The following LHCGR variants were observed in gnomAD, a reference collection of about 807,000 sequenced individuals.
LHCGR encodes lutropin-choriogonadotropic hormone receptor.
A neutral mutation model predicts 60.7 loss-of-function variants in LHCGR; 55 were observed. The observed-to-expected ratio is 0.91, with a 90% CI of 0.73 to 1.13. LHCGR has a LOEUF of 1.13. Ranked by LOEUF, LHCGR falls within the 50% of genes most tolerant of loss-of-function variation. LHCGR has a pLI of 0.00. For missense variants in LHCGR, 862 were observed against 836.0 expected, an observed-to-expected ratio of 1.03 and a Z score of -0.38; for synonymous variants, 337 against 316.5, an observed-to-expected ratio of 1.06 and a Z score of -0.69.
At chr2:48,755,316 A>G (rs904821529) in intron 1 of LHCGR, among the ~76,000 whole-genome samples, 195 bp downstream of exon 1, 1 of 152,070 alleles carries the variant, frequency 6.6e-6, no homozygotes, top group African/African-American at 2.4e-5. Flanking sequence ...GGGCTCTCAG[A>G]GGCATGGGGT....
intron 1 of LHCGR, among the ~76,000 whole-genome samples, chr2:48,742,195 G>C (rs1669489204): frequency 6.6e-6 from 1 of 151,984 alleles, no homozygotes; most frequent in Non-Finnish European, 1.5e-5. Context: ...CATAAAGCAA[G>C]TCCTGAGTGA....
At chr2:48,692,690 G>C (rs1031862864) in intron 10 of LHCGR, among the ~76,000 whole-genome samples, 4 of 152,170 alleles carry the variant, frequency 2.6e-5, no homozygotes, top group Admixed American at 2.6e-4. Flanking sequence ...AATTTTAGGA[G>C]GACAATAGGG....
chr2:48,700,244 C>T (rs899509725), intron 8 of LHCGR, among the ~76,000 whole-genome samples: 3 of 152,082 alleles, frequency 2.0e-5, no homozygotes, highest in African/African-American at 7.2e-5. Context: ...TGAGTGGGTA[C>T]ATTTAAAATT....
intron 8 of LHCGR, among the ~76,000 whole-genome samples, chr2:48,704,169 C>A (rs35530477): frequency 0.12 from 17,515 of 152,138 alleles, 1,145 homozygotes; most frequent in African/African-American, 0.17. Context: ...GTCATTGGTT[C>A]TGTTTATGTG....
rs1006949495 is a variant in LHCGR at position 48,735,604 on chromosome 2, A to G, written c.162-4306T>C. ...GTCAAGCTAGTATCTCTTACTGCTT[A>G]GTTCTGACTTTCAAACTGGGCCCCT... On this transcript the variant is annotated intron_variant, in intron 1 of 10. Transcript: ENST00000294954. 5.3e-5 allele frequency among the ~76,000 whole-genome samples: 8 copies of G among 152,260 alleles called. No individual in the cohort carries two copies. In the East Asian group the frequency reaches 1.5e-3, roughly 29 times the overall value.
At chr2:48,728,385 T>C (rs1355134193) in intron 3 of LHCGR, among the ~76,000 whole-genome samples, 2 of 152,178 alleles carry the variant, frequency 1.3e-5, no homozygotes, top group Non-Finnish European at 2.9e-5. Flanking sequence ...TCCCCTTCCC[T>C]AACTTTTGAA....
At chr2:48,754,589 T>G (rs1300086185) in intron 1 of LHCGR, among the ~76,000 whole-genome samples, 2 of 151,944 alleles carry the variant, frequency 1.3e-5, no homozygotes, top group Non-Finnish European at 2.9e-5. Flanking sequence ...TTACAAAAAT[T>G]TCACCACCCC....
chr2:48,743,098 A>G (rs1266681593), intron 1 of LHCGR, among the ~76,000 whole-genome samples: 2 of 152,250 alleles, frequency 1.3e-5, no homozygotes, highest in Non-Finnish European at 2.9e-5. Flanking sequence ...TCTAGAAGAA[A>G]TGGATAAATT....
At chr2:48,694,653 A>G (rs1003850164) in intron 9 of LHCGR, among the ~76,000 whole-genome samples, 1 of 152,166 alleles carries the variant, frequency 6.6e-6, no homozygotes, top group African/African-American at 2.4e-5. Context: ...TCTCCTTTCC[A>G]CATTGGCCTT....
chr2:48,700,668 C>T (rs1667363132), intron 8 of LHCGR, among the ~76,000 whole-genome samples: 1 of 152,172 alleles, frequency 6.6e-6, no homozygotes, highest in South Asian at 2.1e-4. Context: ...ATGTGCTAAA[C>T]TGGAGAGTAT....
chr2:48,711,663 T>G (rs904767996), intron 7 of LHCGR, among the ~76,000 whole-genome samples: 1 of 152,208 alleles, frequency 6.6e-6, no homozygotes, highest in Non-Finnish European at 1.5e-5. Context: ...TTGGTTTTTC[T>G]CCCGTCTGTT....
Position 48,687,162 on chromosome 2 carries a change from C to T in LHCGR, c.*535G>A, listed in dbSNP as rs534109670. 1.9e-3 allele frequency: 303 copies of T among 158,438 alleles called. 1 individual carries two copies. Among genetic ancestry groups the T allele is most frequent in the Middle Eastern group, 3.3e-3 (1 of 300 alleles). 9.8% of individuals were successfully genotyped at this position (158,438 alleles called of 1,614,324 possible). ...TCCAGTATGGTAAGCACTAGTCACA[C>T]GTAGCCATTGAGAACTTGAAACGTG... On this transcript the variant is annotated 3_prime_UTR_variant, in exon 11 of 11. Transcript: ENST00000294954.
In LHCGR at chr2:48,731,291, C is replaced by T. The variant is rs576351203; in HGVS notation, c.169G>A (p.Ala57Thr). ...PTAGLTRLSLAYLPVKVIPSQ... is the reference protein window; with the variant it reads ...PTAGLTRLSLTYLPVKVIPSQ... Reference sequence around the variant, plus strand: ...GGGATCACTTTGACAGGGAGGTAGGCAAGTGATCTAGAAAAGAAAAAAGGA... The same window carrying T: ...GGGATCACTTTGACAGGGAGGTAGGTAAGTGATCTAGAAAAGAAAAAAGGA... Residue 57 changes from alanine to threonine, a missense_variant, in exon 2 of 11, where the codon GCC becomes ACC. By Grantham distance (58) the Ala-to-Thr change is moderately conservative (BLOSUM62 0). Transcript: ENST00000294954. 1 of 1,610,120 alleles carries T rather than the reference C, an allele frequency of 6.2e-7. No homozygotes were observed. The highest frequency in any genetic ancestry group is 2.2e-5 in the East Asian group (1 of 44,812).
chr2:48,737,741 CT>C (rs957251140), intron 1 of LHCGR, among the ~76,000 whole-genome samples: 4 of 152,180 alleles, frequency 2.6e-5, no homozygotes, highest in Non-Finnish European at 1.5e-5. Flanking sequence ...CACCAGAAAA[CT>C]TTGGAACAGT....
chr2:48,705,793 A>G (rs538427106), intron 8 of LHCGR, among the ~76,000 whole-genome samples: 2 of 151,878 alleles, frequency 1.3e-5, no homozygotes, highest in East Asian at 3.9e-4. Context: ...GTGTCTTTGC[A>G]TGTGAGATGG....
chr2:48,695,811 A>G (rs904000422), intron 9 of LHCGR, among the ~76,000 whole-genome samples: 3 of 152,186 alleles, frequency 2.0e-5, no homozygotes, highest in Non-Finnish European at 4.4e-5. Context: ...GCATCTTCTC[A>G]CTTAAAAGAG....
chr2:48,737,711 A>G (rs1669262010), intron 1 of LHCGR, among the ~76,000 whole-genome samples: 1 of 152,250 alleles, frequency 6.6e-6, no homozygotes, highest in Non-Finnish European at 1.5e-5. Context: ...ATAGATGAAC[A>G]TCCAATATGT....
chr2:48,717,000 A>G (rs1383117952), intron 6 of LHCGR, among the ~76,000 whole-genome samples: 1 of 152,124 alleles, frequency 6.6e-6, no homozygotes, highest in East Asian at 1.9e-4. Context: ...CAGTTTGAGA[A>G]CCTTTGCCCT....
At chr2:48,705,783 G>T (rs1002990557) in intron 8 of LHCGR, among the ~76,000 whole-genome samples, 1 of 151,786 alleles carries the variant, frequency 6.6e-6, no homozygotes, top group Non-Finnish European at 1.5e-5. Flanking sequence ...GAGCCTATGT[G>T]TGTCTTTGCA....
Sources: allele counts gnomAD v4.1 joint callset (sites outside exome capture counted in the v4.1 genomes callset), GRCh38; gene constraint gnomAD v4.1.1; transcripts MANE v1.5; gene names NCBI Gene and HGNC (gene_info 2026-07-23, HGNC 2026-07-21).